The following TMEM204 variants were observed in gnomAD, a reference collection of about 807,000 sequenced individuals.
The protein encoded by TMEM204 is transmembrane protein 204.
In TMEM204, 15 loss-of-function variants were observed where a neutral mutation model predicts 19.4. The ratio of observed to expected loss-of-function variants is 0.77; its 90% CI spans 0.52 to 1.19. The LOEUF (loss-of-function observed/expected upper bound fraction) is 1.19. Ranked by LOEUF, TMEM204 falls within the 50% of genes most tolerant of loss-of-function variation. TMEM204 has a pLI of 0.00. For synonymous variants in TMEM204, 161 were observed against 146.0 expected, an observed-to-expected ratio of 1.10 and a Z score of -0.74; for missense variants, 287 against 321.2, an observed-to-expected ratio of 0.89 and a Z score of 0.81.
chr16:1,548,817 G>C (rs1567356534), intron 2 of TMEM204, among the ~76,000 whole-genome samples: 2 of 152,218 alleles, frequency 1.3e-5, no homozygotes, highest in Admixed American at 6.5e-5. Flanking sequence ...TCTTACGCGC[G>C]TCTGGAGGCC....
intron 2 of TMEM204, chr16:1,554,270 C>T (rs1420293619): frequency 1.8e-5 from 8 of 434,814 alleles, no homozygotes; most frequent in Non-Finnish European, 2.4e-5. Flanking sequence ...GCTCTGGGCG[C>T]GATGAGCACC....
rs947770572 is a variant in TMEM204 at position 1,553,741 on chromosome 16, G to A, written c.437-1041G>A. 6 of 1,151,676 alleles carry A rather than the reference G, an allele frequency of 5.2e-6. No homozygotes were observed. The highest frequency in any genetic ancestry group is 3.7e-5 in the Admixed American group (1 of 26,960). 71.3% of individuals were successfully genotyped at this position (1,151,676 alleles called of 1,614,324 possible). A position where few individuals can be genotyped will look rare whatever the true frequency, so the allele number is the denominator to read the frequency against. On this transcript the variant is annotated intron_variant, in intron 2 of 2. Transcript: ENST00000566264. This position sits in a 1 kb window ranked among gnomAD's most constrained non-coding sequence, Gnocchi z 4.4. ...AATCTGTGGCCACATCCCCATGGCT[G>A]TAGGGGATGAGGAGGGGCAGGGCCA...
chr16:1,554,933 C>T lies in TMEM204; in HGVS notation c.588C>T (p.Asp196=). 1 of 1,614,226 alleles carries T rather than the reference C, an allele frequency of 6.2e-7. No homozygotes were observed. The highest frequency in any genetic ancestry group is 1.1e-5 in the South Asian group (1 of 91,090). The change falls in exon 3 of 3, where the codon GAC becomes GAT. Residue 196 remains aspartate (D), a synonymous_variant. Coordinates refer to ENST00000566264, the MANE Select transcript of TMEM204 (RefSeq NM_024600.6). ...LIWNILHKRE[D]CMAPRVIVIS... ...GGAACATTCTCCACAAGAGGGAGGA[C>T]TGCATGGCCCCCCGGGTGATTGTCA...
chr16:1,538,202 T>C (rs1314914446), intron 1 of TMEM204, among the ~76,000 whole-genome samples: 1 of 152,130 alleles, frequency 6.6e-6, no homozygotes, highest in African/African-American at 2.4e-5. Context: ...GGTGCCCTTG[T>C]GGTGAGCCAT....
chr16:1,533,455 T>A (rs2030723080), upstream of TMEM204: 1 of 152,218 alleles, frequency 6.6e-6, no homozygotes, highest in Non-Finnish European at 1.5e-5. The surrounding 1 kb of genome is among the most constrained non-coding windows in gnomAD (Gnocchi z 4.7). Context: ...AGACGAGGGA[T>A]CTGTCCCGCA....
chr16:1,533,448 C>G (rs948736359), upstream of TMEM204: 2 of 152,328 alleles, frequency 1.3e-5, no homozygotes, highest in African/African-American at 2.4e-5. This position sits in a 1 kb window ranked among gnomAD's most constrained non-coding sequence, Gnocchi z 4.7. Context: ...ACAGGCGAGA[C>G]GAGGGATCTG....
At chr16:1,547,716 G>C (rs1212692362) in intron 2 of TMEM204, among the ~76,000 whole-genome samples, 1 of 152,168 alleles carries the variant, frequency 6.6e-6, no homozygotes, top group East Asian at 1.9e-4. Flanking sequence ...TTGTATTTTT[G>C]GTAGAGATGG....
intron 1 of TMEM204, among the ~76,000 whole-genome samples, 160 bp downstream of exon 1, chr16:1,534,715 G>A (rs2030889597): frequency 6.6e-6 from 1 of 152,228 alleles, no homozygotes; most frequent in South Asian, 2.1e-4. Context: ...GTGTCTCCCA[G>A]GGAACCAGGC....
chr16:1,529,194 C>T (rs1427401960), upstream of TMEM204, among the ~76,000 whole-genome samples: 4 of 152,228 alleles, frequency 2.6e-5, no homozygotes, highest in African/African-American at 9.6e-5. Context: ...GGACGCAGGG[C>T]GGGCAGGTGC....
chr16:1,545,512 G>A (rs751685954), intron 2 of TMEM204, among the ~76,000 whole-genome samples: 24 of 151,856 alleles, frequency 1.6e-4, no homozygotes, highest in Non-Finnish European at 2.5e-4. Context: ...TTTTAGAGTC[G>A]GGTTTTTTTT....
chr16:1,534,959 C>T (rs564776588), intron 1 of TMEM204, among the ~76,000 whole-genome samples: 5 of 152,074 alleles, frequency 3.3e-5, no homozygotes, highest in Non-Finnish European at 5.9e-5. Flanking sequence ...AATCCTAGCG[C>T]TTTGGGAGGC....
chr16:1,538,816 C>G (rs536847266), intron 1 of TMEM204, among the ~76,000 whole-genome samples: 3 of 152,186 alleles, frequency 2.0e-5, no homozygotes, highest in Non-Finnish European at 4.4e-5. Flanking sequence ...GCAGGCTGTA[C>G]GTGGTCACTG....
At chr16:1,546,220 C>A (rs2032159131) in intron 2 of TMEM204, among the ~76,000 whole-genome samples, 1 of 152,346 alleles carries the variant, frequency 6.6e-6, no homozygotes, top group Non-Finnish European at 1.5e-5. Context: ...CACAGCATGA[C>A]CCTGGCACCT....
rs369973186 is a variant in TMEM204 at position 1,535,322 on chromosome 16, T to C, written c.280+767T>C. On this transcript the variant is annotated intron_variant, in intron 1 of 2. Transcript: ENST00000566264. ...CGCACCGTGGGGTTTGAGTGGCAGGTGTGAGGCTGCATAAATAGGAAGGCG... is the reference window on the plus strand; with the variant it reads ...CGCACCGTGGGGTTTGAGTGGCAGGCGTGAGGCTGCATAAATAGGAAGGCG... Among the ~76,000 whole-genome samples the C allele has an allele frequency of 2.6e-5, 4 of 152,110 alleles. No homozygotes were observed. In the South Asian group the frequency reaches 6.2e-4, roughly 24 times the overall value.
At chr16:1,546,311 G>C (rs1297462142) in intron 2 of TMEM204, among the ~76,000 whole-genome samples, 1 of 152,190 alleles carries the variant, frequency 6.6e-6, no homozygotes, top group African/African-American at 2.4e-5. Flanking sequence ...TCCGGTGCCT[G>C]AGGATGCTCC....
intron 2 of TMEM204, among the ~76,000 whole-genome samples, chr16:1,545,533 C>T (rs1454584976): frequency 1.3e-5 from 2 of 152,168 alleles, no homozygotes; most frequent in East Asian, 1.9e-4. Context: ...CCTGTACTCG[C>T]GTCTGTTTTA....
Position 1,553,330 on chromosome 16 carries a change from G to A in TMEM204, c.437-1452G>A, listed in dbSNP as rs539506356. 4 of 985,222 alleles carry A rather than the reference G, an allele frequency of 4.1e-6. No homozygotes were observed. In the African/African-American group the frequency reaches 7.0e-5, roughly 17 times the overall value. The allele number at this position is 985,222 out of a possible 1,614,324, so 61.0% of individuals were successfully genotyped here. ...TCTCTGTCTCTGTGTCTCTGTCCCT[G>A]TGTCTCTTTTTCTCCCATCCTCTCT... On this transcript the variant is annotated intron_variant, in intron 2 of 2. Transcript: ENST00000566264. The surrounding 1 kb of genome is among the most constrained non-coding windows in gnomAD (Gnocchi z 4.4).
In TMEM204 at chr16:1,551,279, G is replaced by A. The variant is rs905259205; in HGVS notation, c.437-3503G>A. ...CCATGGGTAAAGACACAATGACCACGGCTGGCAGGGGTGGGCAGGTGCAAC... is the reference window on the plus strand; with the variant it reads ...CCATGGGTAAAGACACAATGACCACAGCTGGCAGGGGTGGGCAGGTGCAAC... On this transcript the variant is annotated intron_variant, in intron 2 of 2. Transcript: ENST00000566264. This position sits in a 1 kb window ranked among gnomAD's most constrained non-coding sequence, Gnocchi z 4.0. Among the ~76,000 whole-genome samples the A allele has an allele frequency of 1.3e-5, 2 of 152,162 alleles. No homozygotes were observed. The highest frequency in any genetic ancestry group is 4.8e-5 in the African/African-American group (2 of 41,422).
chr16:1,548,619 G>A (rs961201323), intron 2 of TMEM204, among the ~76,000 whole-genome samples: 1 of 152,194 alleles, frequency 6.6e-6, no homozygotes, highest in Non-Finnish European at 1.5e-5. Flanking sequence ...GGACAATGAG[G>A]AGAGAGGGAA....
Sources: gnomAD v4.1 joint callset for allele counts (sites outside exome capture counted in the v4.1 genomes callset) on GRCh38, gnomAD v4.1.1 for gene constraint, Gnocchi (gnomAD v3.1) non-coding constraint, MANE v1.5 for transcripts, NCBI Gene and HGNC (gene_info 2026-07-23, HGNC 2026-07-21) for gene names.